TUSC3: variants seen among roughly 807,000 people sequenced by gnomAD.
TUSC3 encodes the protein dolichyl-diphosphooligosaccharide--protein glycosyltransferase subunit TUSC3.
In TUSC3, 45 loss-of-function variants were observed where a neutral mutation model predicts 44.8. The ratio of observed to expected loss-of-function variants is 1.00; its 90% CI spans 0.79 to 1.29. The LOEUF (loss-of-function observed/expected upper bound fraction) is 1.29, where lower values mean the gene tolerates loss of function less well. Ranked by LOEUF, TUSC3 falls within the 50% of genes most tolerant of loss-of-function variation. TUSC3 has a pLI of 0.00. For missense variants in TUSC3, 519 were observed against 437.9 expected (o/e 1.19, Z -1.65); for synonymous variants, 212 against 152.9 (o/e 1.39, Z -2.85).
At chr8:15,684,880 G>T (rs1808566227) in intron 6 of TUSC3, among the ~76,000 whole-genome samples, 1 of 152,114 alleles carries the variant, frequency 6.6e-6, no homozygotes, top group African/African-American at 2.4e-5. Flanking sequence ...ACACTCAGAT[G>T]GGGCAATGGA....
intron 6 of TUSC3, among the ~76,000 whole-genome samples, chr8:15,717,563 C>A (rs538389983): frequency 1.3e-5 from 2 of 152,166 alleles, no homozygotes; most frequent in East Asian, 1.9e-4. Flanking sequence ...TGTTTGAAAT[C>A]CTGTTGCAGT....
the TUSC3 span, among the ~76,000 whole-genome samples, chr8:15,824,796 A>G: frequency 0.6 from 91,706 of 152,086 alleles, 29,065 homozygotes; most frequent in Non-Finnish European, 0.73. Flanking sequence ...TCTTTTTTAT[A>G]TAACTATCAC....
chr8:15,504,235 C>T (rs1049204802), intron 2 of TUSC3, among the ~76,000 whole-genome samples: 2 of 151,858 alleles, frequency 1.3e-5, no homozygotes, highest in Non-Finnish European at 2.9e-5. Context: ...TGAGAGCCTC[C>T]GTTTCCTCAG....
intron 6 of TUSC3, among the ~76,000 whole-genome samples, chr8:15,730,043 A>G (rs1403580030): frequency 6.6e-6 from 1 of 152,086 alleles, no homozygotes; most frequent in Non-Finnish European, 1.5e-5. Flanking sequence ...ACAGTCACTG[A>G]TATTCGTAAG....
intron 1 of TUSC3, among the ~76,000 whole-genome samples, chr8:15,591,749 C>T (rs1235769047): frequency 6.6e-6 from 1 of 152,056 alleles, no homozygotes; most frequent in East Asian, 1.9e-4. Flanking sequence ...AGTTATAATG[C>T]AGAGTGAGCC....
intron 2 of TUSC3, among the ~76,000 whole-genome samples, chr8:15,485,053 T>A (rs1490768063): frequency 6.6e-6 from 1 of 152,180 alleles, no homozygotes; most frequent in Non-Finnish European, 1.5e-5. Context: ...TCTCAGGTCA[T>A]TCATTTTTCA....
chr8:15,505,741 G>T (rs1585069268), intron 2 of TUSC3, among the ~76,000 whole-genome samples: 1 of 152,134 alleles, frequency 6.6e-6, no homozygotes, highest in Non-Finnish European at 1.5e-5. Flanking sequence ...TAATTGTAAA[G>T]TTAAAATGTA....
At chr8:15,526,539 G>T (rs1801375221) in intron 2 of TUSC3, among the ~76,000 whole-genome samples, 1 of 152,068 alleles carries the variant, frequency 6.6e-6, no homozygotes, top group Non-Finnish European at 1.5e-5. Context: ...TTCTCCTGGT[G>T]GTGAATAAGT....
chr8:15,492,422 G>C (rs1800821423), intron 2 of TUSC3, among the ~76,000 whole-genome samples: 1 of 152,076 alleles, frequency 6.6e-6, no homozygotes, highest in African/African-American at 2.4e-5. Flanking sequence ...CACAGTTCTA[G>C]AAGGCAAGAT....
At chr8:15,561,286 G>T (rs1169242930) in intron 1 of TUSC3, among the ~76,000 whole-genome samples, 2 of 148,100 alleles carry the variant, frequency 1.4e-5, no homozygotes, top group Admixed American at 1.4e-4. Flanking sequence ...GTGTGCCCCT[G>T]CTGGGGGGTG....
intron 1 of TUSC3, among the ~76,000 whole-genome samples, chr8:15,551,185 T>G (rs1409214258): frequency 2.0e-5 from 3 of 151,762 alleles, no homozygotes; most frequent in Non-Finnish European, 4.4e-5. Context: ...ACATACATTT[T>G]CATTTATGGA....
intron 6 of TUSC3, among the ~76,000 whole-genome samples, chr8:15,684,837 A>C (rs1808563780): frequency 1.3e-5 from 2 of 152,186 alleles, no homozygotes; most frequent in African/African-American, 4.8e-5. Context: ...GCTGTGCTGC[A>C]GGAGAGCAGA....
At chr8:15,425,968 A>G (rs1799798726) in intron 1 of TUSC3, among the ~76,000 whole-genome samples, 2 of 152,234 alleles carry the variant, frequency 1.3e-5, no homozygotes, top group Admixed American at 6.5e-5. Flanking sequence ...GTGAGCCATT[A>G]TTGTGCCATT....
At chr8:15,557,407 C>G (rs1802305389) in intron 1 of TUSC3, among the ~76,000 whole-genome samples, 1 of 28,006 alleles carries the variant, frequency 3.6e-5, no homozygotes, top group African/African-American at 9.6e-5. Flanking sequence ...GTTACTGTAG[C>G]CTTGTAGTAT....
At chr8:15,428,517 T>C (rs1442549440) in intron 1 of TUSC3, among the ~76,000 whole-genome samples, 3 of 152,134 alleles carry the variant, frequency 2.0e-5, no homozygotes, top group East Asian at 1.9e-4. Context: ...ATGGTATTTC[T>C]AGTTCTAGAT....
At chr8:15,685,925 A>G (rs1436911094) in intron 6 of TUSC3, among the ~76,000 whole-genome samples, 3 of 104,366 alleles carry the variant, frequency 2.9e-5, no homozygotes, top group East Asian at 5.7e-4. Flanking sequence ...TAATTGTGAA[A>G]TCAAACATGT....
intron 1 of TUSC3, among the ~76,000 whole-genome samples, chr8:15,459,197 A>G (rs1800306956): frequency 6.6e-6 from 1 of 152,196 alleles, no homozygotes; most frequent in Non-Finnish European, 1.5e-5. Flanking sequence ...TGGACTTAGC[A>G]TTAAACTATC....
Position 15,448,345 on chromosome 8 carries a change from C to T in TUSC3, n.91+31040C>T, listed in dbSNP as rs997669710. Among the ~76,000 whole-genome samples the T allele has an allele frequency of 6.3e-4, 96 of 151,886 alleles. 1 individual carries two copies. Among genetic ancestry groups the T allele is most frequent in the Admixed American group, 4.0e-3 (61 of 15,236 alleles). ...CATTGGCAAGGCTGGTCTCAAACTC[C>T]CAGCCTCAGGCAATCCACCCGCCTT... On this transcript the variant is annotated intron_variant and non_coding_transcript_variant, in intron 1 of 5. Coordinates refer to the TUSC3 transcript ENST00000503191.
chr8:15,836,762 C>T, the TUSC3 span, among the ~76,000 whole-genome samples: 1 of 151,964 alleles, frequency 6.6e-6, no homozygotes, highest in African/African-American at 2.4e-5. Context: ...TATACTTTCA[C>T]CTCTGTCACT....
Sources: gnomAD v4.1 joint callset for allele counts (sites outside exome capture counted in the v4.1 genomes callset) on GRCh38, gnomAD v4.1.1 for gene constraint, MANE v1.5 for transcripts, NCBI Gene and HGNC (gene_info 2026-07-23, HGNC 2026-07-21) for gene names.